Variants in SNX8 observed in about 807,000 individuals in gnomAD.
The protein encoded by SNX8 is sorting nexin 8.
Under a neutral mutation model 51.6 loss-of-function variants are expected in SNX8, and 25 were observed. That is an observed-to-expected ratio of 0.48 (90% CI 0.35 to 0.68). The LOEUF is 0.68. SNX8 is among the 30% of genes least tolerant of loss of function. SNX8 has a pLI of 0.00. For missense variants in SNX8, 695 were observed against 624.0 expected, an observed-to-expected ratio of 1.11 and a Z score of -1.21; for synonymous variants, 324 against 277.0, an observed-to-expected ratio of 1.17 and a Z score of -1.68.
At chr7:2,339,819 T>C (rs1390429244) in intron 1 of SNX8, among the ~76,000 whole-genome samples, 1 of 152,038 alleles carries the variant, frequency 6.6e-6, no homozygotes, top group Admixed American at 6.6e-5. Context: ...TAAGAACACG[T>C]AGATTTATTT....
intron 1 of SNX8, among the ~76,000 whole-genome samples, chr7:2,305,082 G>A (rs763209624): frequency 5.3e-5 from 8 of 152,142 alleles, no homozygotes; most frequent in Non-Finnish European, 1.2e-4. Context: ...CTGTGCTGCC[G>A]GTGGGTCACC....
intron 1 of SNX8, among the ~76,000 whole-genome samples, chr7:2,306,842 A>T (rs1374849790): frequency 1.3e-5 from 2 of 152,168 alleles, no homozygotes; most frequent in Non-Finnish European, 2.9e-5. Flanking sequence ...TCTGATGACA[A>T]CTCACTCATC....
intron 1 of SNX8, among the ~76,000 whole-genome samples, chr7:2,304,118 G>A (rs1369962612): frequency 6.8e-6 from 1 of 147,826 alleles, no homozygotes; most frequent in African/African-American, 2.5e-5. Flanking sequence ...AGTGAGCCGA[G>A]ACTGTGCCAC....
chr7:2,343,654 G>A (rs552427125), intron 1 of SNX8, among the ~76,000 whole-genome samples: 6 of 152,026 alleles, frequency 3.9e-5, no homozygotes, highest in African/African-American at 1.4e-4. Flanking sequence ...CAGCCTAGGC[G>A]ACAGAGTAAG....
chr7:2,281,190 T>C (rs1401925996), intron 1 of SNX8, among the ~76,000 whole-genome samples: 1 of 152,044 alleles, frequency 6.6e-6, no homozygotes, highest in Non-Finnish European at 1.5e-5. Flanking sequence ...TTTGGGAGGC[T>C]GAGGCAAGAG....
chr7:2,316,789 C>CCACT (rs1169497062), upstream of SNX8, among the ~76,000 whole-genome samples: 9 of 151,024 alleles, frequency 6.0e-5, no homozygotes, highest in Non-Finnish European at 1.0e-4. Context: ...ATCCACCCAC[C>CCACT]CACTCACTCA....
In SNX8 at chr7:2,347,480, C is replaced by CAA. The variant is rs749495262; in HGVS notation, c.-66+6740_-66+6741dup. On this transcript the variant is annotated intron_variant, in intron 1 of 5. Coordinates refer to the SNX8 transcript ENST00000435336. ...TGGGCGACAGAGCAAGATGCTGTCT[C>CAA]AAAAAAAAAAAAAAAAAAAGAAAAA... 9.8e-3 allele frequency among the ~76,000 whole-genome samples: 384 copies of CAA among 39,144 alleles called. 4 individuals are homozygous for CAA. The highest frequency in any genetic ancestry group is 0.022 in the African/African-American group (229 of 10,412). 25.7% of individuals were successfully genotyped at this position (39,144 alleles called of 152,430 possible).
chr7:2,335,127 C>A (rs879396938), intron 1 of SNX8, among the ~76,000 whole-genome samples: 1 of 150,462 alleles, frequency 6.6e-6, no homozygotes, highest in East Asian at 2.0e-4. Context: ...ACCCTGAAGG[C>A]GGAGTTTGCA....
chr7:2,352,805 C>T (rs1233826844), intron 1 of SNX8, among the ~76,000 whole-genome samples: 1 of 151,772 alleles, frequency 6.6e-6, no homozygotes, highest in Non-Finnish European at 1.5e-5. Flanking sequence ...CACTGCACTC[C>T]AGCCTAGGCG....
intron 1 of SNX8, among the ~76,000 whole-genome samples, chr7:2,338,322 C>T (rs1052364351): frequency 6.6e-6 from 1 of 151,984 alleles, no homozygotes; most frequent in Non-Finnish European, 1.5e-5. Context: ...ATTAGCCGGG[C>T]ACGGTGGCAG....
At chr7:2,314,549 C>A, upstream of SNX8, 1 of 964,768 alleles carries the variant, frequency 1.0e-6, no homozygotes, top group African/African-American at 1.7e-5. Flanking sequence ...GCCCACAGTC[C>A]GCCCCTGCGG....
At chr7:2,342,994 C>T (rs947611720) in intron 1 of SNX8, among the ~76,000 whole-genome samples, 5 of 151,698 alleles carry the variant, frequency 3.3e-5, no homozygotes, top group Admixed American at 6.6e-5. Flanking sequence ...GGGGTTTTAC[C>T]GTATTGGTCA....
intron 1 of SNX8, among the ~76,000 whole-genome samples, chr7:2,327,609 G>A (rs1325229128): frequency 8.6e-5 from 13 of 151,748 alleles, no homozygotes; most frequent in Admixed American, 5.3e-4. Context: ...GGGTTTCACT[G>A]TGTTAGCCAG....
At chr7:2,346,273 T>C (rs1445439980) in intron 1 of SNX8, among the ~76,000 whole-genome samples, 2 of 85,616 alleles carry the variant, frequency 2.3e-5, no homozygotes, top group Non-Finnish European at 4.9e-5. Context: ...GAGACCCTGG[T>C]CTCTACAAAA....
chr7:2,307,075 A>G (rs1796559165), intron 1 of SNX8, among the ~76,000 whole-genome samples: 1 of 152,146 alleles, frequency 6.6e-6, no homozygotes, highest in African/African-American at 2.4e-5. Flanking sequence ...CCCCTGCTAC[A>G]CACAACAGAA....
intron 1 of SNX8, among the ~76,000 whole-genome samples, chr7:2,343,423 C>G (rs1253009207): frequency 1.3e-5 from 2 of 152,078 alleles, no homozygotes; most frequent in Admixed American, 6.6e-5. Context: ...CGCCTGTAAT[C>G]CCAGCACCTT....
chr7:2,342,714 GAGAGA>G (rs1196706408), intron 1 of SNX8, among the ~76,000 whole-genome samples: 1 of 152,072 alleles, frequency 6.6e-6, no homozygotes, highest in Non-Finnish European at 1.5e-5. Flanking sequence ...AAGTGGAGAT[GAGAGA>G]AGACAGAGTA....
intron 1 of SNX8, among the ~76,000 whole-genome samples, chr7:2,334,706 C>G (rs1778794009): frequency 6.7e-6 from 1 of 149,218 alleles, no homozygotes; most frequent in Non-Finnish European, 1.5e-5. Context: ...TCTCAAAAAA[C>G]AAAAACAAAA....
chr7:2,296,895 A>C (rs1796285298), intron 1 of SNX8, among the ~76,000 whole-genome samples: 1 of 151,880 alleles, frequency 6.6e-6, no homozygotes, highest in Non-Finnish European at 1.5e-5. Context: ...ACGCCATTGC[A>C]CTCCAGCCTG....
Sources: allele counts gnomAD v4.1 joint callset (sites outside exome capture counted in the v4.1 genomes callset), GRCh38; gene constraint gnomAD v4.1.1; transcripts MANE v1.5; gene names NCBI Gene and HGNC (gene_info 2026-07-23, HGNC 2026-07-21).